The following CDYL2 variants were observed in gnomAD, a reference collection of about 807,000 sequenced individuals.
The protein encoded by CDYL2 is chromodomain Y-like protein 2.
A neutral mutation model predicts 49.4 loss-of-function variants in CDYL2; 23 were observed. The observed-to-expected ratio is 0.47, with a 90% CI of 0.34 to 0.66. The LOEUF is 0.66. CDYL2 is among the 30% of genes least tolerant of loss of function. The pLI, the probability that CDYL2 is intolerant of heterozygous loss-of-function variation, is 0.01. For synonymous variants in CDYL2, 360 were observed against 268.8 expected, an observed-to-expected ratio of 1.34 and a Z score of -3.32; for missense variants, 678 against 656.4, an observed-to-expected ratio of 1.03 and a Z score of -0.36.
rs1364548910 is a variant in CDYL2 at position 80,712,442 on chromosome 16, A to G, written c.25-27313T>C. ...CATTGCTGGTCCCTGGCTGCTCTCC[A>G]TGTCGGCTGCGCCTCACATCTCCCT... On this transcript the variant is annotated intron_variant, in intron 1 of 6. Transcript: ENST00000570137. Among the ~76,000 whole-genome samples, 11 of 151,960 alleles carry G rather than the reference A, an allele frequency of 7.2e-5. No homozygotes were observed. In the South Asian group the frequency reaches 2.3e-3, roughly 32 times the overall value.
intron 2 of CDYL2, among the ~76,000 whole-genome samples, chr16:80,668,725 C>A (rs1255479727): frequency 1.3e-5 from 2 of 151,780 alleles, no homozygotes; most frequent in Non-Finnish European, 1.5e-5. Flanking sequence ...ATGGCAAAAC[C>A]CTGTCTCTAC....
intron 1 of CDYL2, among the ~76,000 whole-genome samples, chr16:80,779,918 T>C (rs903871731): frequency 1.3e-5 from 2 of 152,148 alleles, no homozygotes; most frequent in African/African-American, 4.8e-5. Flanking sequence ...ATAGTGAACA[T>C]GTATCTGCTT....
At chr16:80,634,493 T>A (rs1169307027) in intron 2 of CDYL2, among the ~76,000 whole-genome samples, 1 of 152,094 alleles carries the variant, frequency 6.6e-6, no homozygotes, top group East Asian at 1.9e-4. Context: ...CCAGGGCCTG[T>A]CGTGGGGTGG....
intron 6 of CDYL2, among the ~76,000 whole-genome samples, chr16:80,607,492 G>A (rs115291635): frequency 0.015 from 2,253 of 152,280 alleles, 57 homozygotes; most frequent in African/African-American, 0.05. Context: ...CCCTGGGGCC[G>A]CAGGAGTGGC....
chr16:80,606,804 G>C (rs1395127484), intron 6 of CDYL2, among the ~76,000 whole-genome samples: 1 of 152,170 alleles, frequency 6.6e-6, no homozygotes, highest in Non-Finnish European at 1.5e-5. Context: ...GAAGTCTCAA[G>C]AGATCTGATG....
intron 1 of CDYL2, among the ~76,000 whole-genome samples, chr16:80,700,013 G>A (rs1904292755): frequency 6.6e-6 from 1 of 152,152 alleles, no homozygotes. Context: ...GACTACAGGT[G>A]CCTGCAACCA....
chr16:80,666,832 C>G (rs753851412), intron 2 of CDYL2, among the ~76,000 whole-genome samples: 2 of 152,206 alleles, frequency 1.3e-5, no homozygotes, highest in Non-Finnish European at 2.9e-5. Flanking sequence ...CTTAAGTCCT[C>G]TCTTTCATCT....
At position 80,612,660 on chromosome 16, in the gene CDYL2, G is replaced by T; in HGVS notation, c.1184C>A (p.Ser395Tyr). The change falls in exon 5 of 7, where the codon TCC becomes TAC. Residue 395 changes from serine (S) to tyrosine (Y), a missense_variant. Physicochemically the swap from Ser to Tyr is moderately radical, Grantham distance 144. Transcript: ENST00000570137. The surrounding 1 kb of genome is among the most constrained non-coding windows in gnomAD (Gnocchi z 5.0). ...TIRLTPAGCS[S>Y]YTFPQILGVA... is the part of the protein sequence containing the mutation. ...GCCCAGGATCTGGGGGAAGGTGTAG[G>T]AGGAGCAGCCAGCAGGCGTGAGGCG... 1 of 1,612,634 alleles carries T rather than the reference G, an allele frequency of 6.2e-7. No homozygotes were observed. Among genetic ancestry groups the T allele is most frequent in the Non-Finnish European group, 8.5e-7 (1 of 1,179,676 alleles).
intron 2 of CDYL2, among the ~76,000 whole-genome samples, chr16:80,673,003 C>A (rs1217570499): frequency 6.6e-6 from 1 of 152,196 alleles, no homozygotes; most frequent in East Asian, 1.9e-4. Context: ...GTAGGAGGAG[C>A]TGCTTGCTCC....
chr16:80,644,923 A>C (rs1908267391), intron 2 of CDYL2, among the ~76,000 whole-genome samples: 1 of 152,148 alleles, frequency 6.6e-6, no homozygotes, highest in South Asian at 2.1e-4. Flanking sequence ...TGCTGGGAAA[A>C]CTGGCTAGCC....
intron 1 of CDYL2, among the ~76,000 whole-genome samples, chr16:80,794,871 C>G (rs1238385662): frequency 6.6e-6 from 1 of 151,972 alleles, no homozygotes; most frequent in Non-Finnish European, 1.5e-5. Context: ...TCTTGGCCTC[C>G]CAAAGTGCTG....
intron 2 of CDYL2, among the ~76,000 whole-genome samples, chr16:80,665,415 C>T (rs891688339): frequency 5.3e-5 from 8 of 150,258 alleles, no homozygotes; most frequent in Non-Finnish European, 7.4e-5. Flanking sequence ...CTGGCACACA[C>T]GAGGGCTCAA....
intron 1 of CDYL2, among the ~76,000 whole-genome samples, chr16:80,788,869 G>C (rs1907519582): frequency 6.6e-6 from 1 of 152,016 alleles, no homozygotes; most frequent in Non-Finnish European, 1.5e-5. Context: ...CTAATACCCA[G>C]AATCTACAAA....
chr16:80,773,120 C>G (rs1339469887), intron 1 of CDYL2, among the ~76,000 whole-genome samples: 1 of 151,936 alleles, frequency 6.6e-6, no homozygotes, highest in African/African-American at 2.4e-5. Flanking sequence ...AAAAGAAATG[C>G]TCTGCAAATT....
chr16:80,710,454 T>C (rs577134598), intron 1 of CDYL2, among the ~76,000 whole-genome samples: 5 of 152,282 alleles, frequency 3.3e-5, no homozygotes, highest in African/African-American at 1.2e-4. Context: ...AACAGAAAGA[T>C]GATGTGCACT....
At chr16:80,774,917 C>T (rs776019640) in intron 1 of CDYL2, among the ~76,000 whole-genome samples, 3 of 149,790 alleles carry the variant, frequency 2.0e-5, no homozygotes, top group East Asian at 1.9e-4. Flanking sequence ...AAAAAAAATG[C>T]CTTATCACCA....
At chr16:80,692,440 G>A (rs1024513083) in intron 1 of CDYL2, among the ~76,000 whole-genome samples, 1 of 152,060 alleles carries the variant, frequency 6.6e-6, no homozygotes, top group African/African-American at 2.4e-5. Flanking sequence ...ATCTCTTAGG[G>A]GACAAAATAG....
intron 2 of CDYL2, among the ~76,000 whole-genome samples, chr16:80,654,286 C>CTG (rs1386636081): frequency 6.6e-6 from 1 of 152,226 alleles, no homozygotes; most frequent in Non-Finnish European, 1.5e-5. Context: ...AGGAAGATTA[C>CTG]TGTGTGTACA....
At chr16:80,773,307 GGC>G (rs1206662469) in intron 1 of CDYL2, among the ~76,000 whole-genome samples, 1 of 151,940 alleles carries the variant, frequency 6.6e-6, no homozygotes, top group Non-Finnish European at 1.5e-5. Context: ...TGTAAAAATT[GGC>G]AAAACTATAC....
Sources: gnomAD v4.1 joint callset for allele counts (sites outside exome capture counted in the v4.1 genomes callset) on GRCh38, gnomAD v4.1.1 for gene constraint, Gnocchi (gnomAD v3.1) non-coding constraint, MANE v1.5 for transcripts, NCBI Gene and HGNC (gene_info 2026-07-23, HGNC 2026-07-21) for gene names.